Variants in KIAA1217 observed in about 807,000 individuals in gnomAD.
The protein encoded by KIAA1217 is sickle tail protein homolog.
A neutral mutation model predicts 163.9 loss-of-function variants in KIAA1217; 88 were observed. The observed-to-expected ratio is 0.54, with a 90% CI of 0.45 to 0.64. The LOEUF is 0.64. KIAA1217 is among the 30% of genes least tolerant of loss of function. The pLI is 0.00. For missense variants in KIAA1217, 2,372 were observed against 2,475.0 expected (o/e 0.96, Z 0.88); for synonymous variants, 903 against 923.1 (o/e 0.98, Z 0.39).
chr10:24,228,579 T>C (rs2070918742), intron 2 of KIAA1217, among the ~76,000 whole-genome samples: 1 of 152,178 alleles, frequency 6.6e-6, no homozygotes, highest in Non-Finnish European at 1.5e-5. Flanking sequence ...AACACATGGA[T>C]TCCAGGTCAC....
At chr10:24,421,368 A>C (rs796437643) in intron 3 of KIAA1217, among the ~76,000 whole-genome samples, 1 of 152,220 alleles carries the variant, frequency 6.6e-6, no homozygotes, top group African/African-American at 2.4e-5. Flanking sequence ...GGTTGCTGTC[A>C]ATCCTATATA....
chr10:24,304,283 T>C (rs1427995173), intron 2 of KIAA1217, among the ~76,000 whole-genome samples: 1 of 151,122 alleles, frequency 6.6e-6, no homozygotes, highest in Non-Finnish European at 1.5e-5. Flanking sequence ...GAACCAACTA[T>C]ATCTTATGTT....
At chr10:24,475,048 A>G (rs1435172621) in intron 6 of KIAA1217, among the ~76,000 whole-genome samples, 2 of 152,090 alleles carry the variant, frequency 1.3e-5, no homozygotes, top group Non-Finnish European at 2.9e-5. Context: ...GTGAAAATCC[A>G]TCTCTATTAA....
intron 1 of KIAA1217, among the ~76,000 whole-genome samples, chr10:23,903,830 C>A (rs1463131341): frequency 6.6e-6 from 1 of 152,072 alleles, no homozygotes; most frequent in African/African-American, 2.4e-5. Flanking sequence ...CTAGCCCTGG[C>A]ACTTGGGAAC....
At chr10:24,247,733 G>A (rs1217376717) in intron 2 of KIAA1217, among the ~76,000 whole-genome samples, 1 of 152,092 alleles carries the variant, frequency 6.6e-6, no homozygotes, top group Non-Finnish European at 1.5e-5. Flanking sequence ...CCCGGGAGGT[G>A]GAGCTTGCAG....
chr10:23,979,573 T>C (rs1215838226), intron 1 of KIAA1217, among the ~76,000 whole-genome samples: 2 of 152,230 alleles, frequency 1.3e-5, no homozygotes, highest in African/African-American at 2.4e-5. Context: ...AAAACGTTGA[T>C]ACGGAAAATC....
intron 2 of KIAA1217, among the ~76,000 whole-genome samples, chr10:24,228,145 C>G (rs956122893): frequency 1.3e-5 from 2 of 151,924 alleles, no homozygotes; most frequent in African/African-American, 4.8e-5. Flanking sequence ...CATGATGACT[C>G]GTGCCAGTTG....
At chr10:23,982,124 G>A (rs886217987) in intron 1 of KIAA1217, among the ~76,000 whole-genome samples, 21 of 151,900 alleles carry the variant, frequency 1.4e-4, no homozygotes, top group Admixed American at 1.3e-4. Context: ...AATAATAATA[G>A]TGCCCCTAGT....
intron 2 of KIAA1217, among the ~76,000 whole-genome samples, chr10:24,239,854 T>C (rs534607707): frequency 1.3e-5 from 2 of 152,240 alleles, no homozygotes; most frequent in African/African-American, 4.8e-5. Flanking sequence ...CATTGCACTT[T>C]TTTAAAAGTA....
Position 24,478,841 on chromosome 10 carries a change from A to G in KIAA1217, c.1679+4781A>G, listed in dbSNP as rs548753410. ...CTATTTTCTATTTGTAGTTTGGATC[A>G]TATACTGTAATGTAAAATACCTTTA... is the stretch of plus-strand genomic sequence containing the variant. On this transcript the variant is annotated intron_variant, in intron 6 of 20. Transcript: ENST00000376454. Among the ~76,000 whole-genome samples the G allele has an allele frequency of 3.9e-5, 6 of 152,346 alleles. No individual in the cohort carries two copies. The East Asian group carries it at 9.6e-4, about 24-fold the overall frequency.
intron 6 of KIAA1217, 48 bp downstream of exon 6, chr10:24,474,108 C>A: frequency 2.9e-6 from 4 of 1,393,240 alleles, no homozygotes; most frequent in Admixed American, 2.0e-5. Context: ...GCCCATGTGT[C>A]ACTGTGGGCA....
chr10:24,089,771 C>T (rs935477359), intron 2 of KIAA1217, among the ~76,000 whole-genome samples: 1 of 151,684 alleles, frequency 6.6e-6, no homozygotes, highest in Admixed American at 6.6e-5. Flanking sequence ...AACTACAAAC[C>T]ACTGCTCAAT....
chr10:23,854,585 C>T (rs1431987082), intron 1 of KIAA1217, among the ~76,000 whole-genome samples: 6 of 152,184 alleles, frequency 3.9e-5, no homozygotes, highest in Admixed American at 6.5e-5. Context: ...CTTTCTGTCT[C>T]GTTGATCTGT....
chr10:23,871,189 C>G (rs909938664), intron 1 of KIAA1217, among the ~76,000 whole-genome samples: 2 of 151,970 alleles, frequency 1.3e-5, no homozygotes, highest in African/African-American at 4.8e-5. Context: ...GGCCTCCTTT[C>G]CTAGTCACTT....
At chr10:23,740,817 A>C (rs536317915) in intron 1 of KIAA1217, among the ~76,000 whole-genome samples, 1 of 152,024 alleles carries the variant, frequency 6.6e-6, no homozygotes, top group Non-Finnish European at 1.5e-5. Context: ...AATCCCAGCT[A>C]CTTGGGAGGC....
intron 1 of KIAA1217, among the ~76,000 whole-genome samples, chr10:23,834,893 T>C (rs2131049692): frequency 6.6e-6 from 1 of 152,232 alleles, no homozygotes; most frequent in East Asian, 1.9e-4. Context: ...TCAGACGTAT[T>C]CATAAAATAA....
intron 2 of KIAA1217, among the ~76,000 whole-genome samples, chr10:24,160,521 G>GA (rs992282817): frequency 6.6e-6 from 1 of 151,686 alleles, no homozygotes; most frequent in African/African-American, 2.4e-5. Context: ...TTTTCAACTG[G>GA]AAAAAAACCT....
chr10:24,414,234 G>A (rs1274051669), intron 3 of KIAA1217, among the ~76,000 whole-genome samples: 2 of 152,166 alleles, frequency 1.3e-5, no homozygotes, highest in African/African-American at 4.8e-5. Context: ...GAATTATCTT[G>A]TCCTGTGGAA....
intron 2 of KIAA1217, among the ~76,000 whole-genome samples, chr10:24,260,427 C>G (rs560881632): frequency 6.6e-6 from 1 of 152,010 alleles, no homozygotes; most frequent in South Asian, 2.1e-4. Flanking sequence ...ATAGTAGTTA[C>G]ACTATGAAAA....
Sources: gnomAD v4.1 joint callset for allele counts (sites outside exome capture counted in the v4.1 genomes callset) on GRCh38, gnomAD v4.1.1 for gene constraint, MANE v1.5 for transcripts, NCBI Gene and HGNC (gene_info 2026-07-23, HGNC 2026-07-21) for gene names.